The following RILPL1 variants were observed in gnomAD, a reference collection of about 807,000 sequenced individuals.
The protein encoded by RILPL1 is Rab interacting lysosomal protein like 1.
Under a neutral mutation model 50.3 loss-of-function variants are expected in RILPL1, and 33 were observed. That is an observed-to-expected ratio of 0.66 (90% CI 0.50 to 0.88). RILPL1 has a LOEUF of 0.88. Ranked by LOEUF, RILPL1 falls within the 40% of genes least tolerant of loss-of-function variation. RILPL1 has a pLI of 0.00. For missense variants in RILPL1, 418 were observed against 542.5 expected (o/e 0.77, Z 2.28); for synonymous variants, 205 against 228.6 (o/e 0.90, Z 0.93).
chr12:123,481,090 C>T (rs1205394947), intron 6 of RILPL1, among the ~76,000 whole-genome samples: 1 of 152,166 alleles, frequency 6.6e-6, no homozygotes, highest in Non-Finnish European at 1.5e-5. Context: ...GGCGCGGTGG[C>T]TCACGCCTGT....
Position 123,533,453 on chromosome 12 carries a change from C to A in RILPL1, c.30G>T (p.Ala10=). The change falls in exon 1 of 7, where the codon GCG becomes GCT. Residue 10 remains alanine (A), a synonymous_variant. Coordinates refer to ENST00000376874, the MANE Select transcript of RILPL1 (RefSeq NM_178314.5). The surrounding 1 kb of genome is among the most constrained non-coding windows in gnomAD (Gnocchi z 6.2). ...CGTTCTTCTCCAGCGCCGACTCGGC[C>A]GCCAGCGCCGACCCCCGCTCCTCCT... MEEERGSAL[A]AESALEKNVA... 6.5e-7 allele frequency: 1 copy of A among 1,529,924 alleles called. No homozygotes were observed. The highest frequency in any genetic ancestry group is 1.2e-5 in the South Asian group (1 of 83,554). 94.8% of individuals were successfully genotyped at this position (1,529,924 alleles called of 1,614,324 possible).
chr12:123,506,366 G>A (rs1259555102), intron 2 of RILPL1, among the ~76,000 whole-genome samples: 1 of 152,186 alleles, frequency 6.6e-6, no homozygotes, highest in African/African-American at 2.4e-5. Flanking sequence ...CATGGGTCAG[G>A]GGTTGGATTA....
intron 1 of RILPL1, among the ~76,000 whole-genome samples, chr12:123,530,338 G>T (rs748901393): frequency 1.7e-4 from 26 of 152,254 alleles, no homozygotes; most frequent in Non-Finnish European, 2.9e-4. Flanking sequence ...GCTAATTTTT[G>T]TATTTTTAGT....
intron 2 of RILPL1, among the ~76,000 whole-genome samples, chr12:123,515,727 G>A (rs1361391646): frequency 6.7e-6 from 1 of 150,244 alleles, no homozygotes; most frequent in Non-Finnish European, 1.5e-5. Flanking sequence ...TGGGATTACA[G>A]GTGTGAGCCA....
Position 123,472,401 on chromosome 12 carries a change from G to C in RILPL1, c.*137C>G, listed in dbSNP as rs186338013. 6.8e-4 allele frequency: 579 copies of C among 857,748 alleles called. 4 individuals carry two copies. The highest frequency in any genetic ancestry group is 3.6e-3 in the Middle Eastern group (10 of 2,764). 53.1% of individuals were successfully genotyped at this position (857,748 alleles called of 1,614,324 possible). On this transcript the variant is annotated 3_prime_UTR_variant, in exon 7 of 7. Coordinates refer to ENST00000376874, the MANE Select transcript of RILPL1 (RefSeq NM_178314.5). ...TTTTTCAATGTCCATCCTCAAATCA[G>C]ACAGTCTGTTTGAGGGGTCAGTTTT...
intron 1 of RILPL1, among the ~76,000 whole-genome samples, chr12:123,529,147 G>A (rs1329617979): frequency 6.6e-6 from 1 of 152,080 alleles, no homozygotes; most frequent in African/African-American, 2.4e-5. Flanking sequence ...ATCAATCTGT[G>A]GCTGGATCCT....
chr12:123,474,501 G>A (rs998313392), intron 6 of RILPL1: 1 of 152,222 alleles, frequency 6.6e-6, no homozygotes, highest in East Asian at 1.9e-4. Flanking sequence ...ACAGGTGCAT[G>A]CCACTGCGCC....
chr12:123,485,626 C>T lies in RILPL1; in HGVS notation c.974+7G>A, dbSNP rs1227413278. On this transcript the variant is annotated splice_region_variant and intron_variant, in intron 5 of 6. Coordinates refer to ENST00000376874, the MANE Select transcript of RILPL1 (RefSeq NM_178314.5). The surrounding 1 kb of genome is among the most constrained non-coding windows in gnomAD (Gnocchi z 4.0). ...AGCTCGGGCCATCCAGCCCCAGGGA[C>T]ACTTGCCTCTTATAGTAAGCCAGCT... 6.2e-7 allele frequency: 1 copy of T among 1,613,342 alleles called. No individual in the cohort carries two copies. The highest frequency in any genetic ancestry group is 8.5e-7 in the Non-Finnish European group (1 of 1,179,584).
intron 2 of RILPL1, among the ~76,000 whole-genome samples, chr12:123,517,700 GCATGAGCCA>G (rs1884787152): frequency 6.6e-6 from 1 of 152,166 alleles, no homozygotes; most frequent in Admixed American, 6.6e-5. Context: ...GGGATGACAG[GCATGAGCCA>G]CCGCGCTTCT....
chr12:123,533,254 G>C lies in RILPL1; in HGVS notation c.229C>G (p.Leu77Val). The C allele has an allele frequency of 6.3e-7, 1 of 1,592,332 alleles. No individual in the cohort carries two copies. Among genetic ancestry groups the C allele is most frequent in the Non-Finnish European group, 8.5e-7 (1 of 1,175,252 alleles). Reference sequence around the variant, plus strand: ...TCCAGCTCCAGGCGCAGCTCGTCCAGCTCGGGCGCGACGTGGTGGCGGCTG... The same window carrying C: ...TCCAGCTCCAGGCGCAGCTCGTCCACCTCGGGCGCGACGTGGTGGCGGCTG... Reference protein sequence around the residue: ...LVSRHHVAPELDELRLELDRL... With the variant: ...LVSRHHVAPEVDELRLELDRL... Residue 77 changes from leucine (L) to valine (V), a missense_variant, in exon 1 of 7, where the codon CTG becomes GTG. Physicochemically the swap from Leu to Val is conservative, Grantham distance 32 (BLOSUM62 1). Transcript: ENST00000376874. The surrounding 1 kb of genome is among the most constrained non-coding windows in gnomAD (Gnocchi z 6.2).
chr12:123,532,707 G>GGGGC (rs1885479169), intron 1 of RILPL1, among the ~76,000 whole-genome samples: 1 of 121,820 alleles, frequency 8.2e-6, no homozygotes. Context: ...GGAGACTGGG[G>GGGGC]GGGGGGGGGA....
At chr12:123,483,970 C>T (rs1210980147) in intron 6 of RILPL1, among the ~76,000 whole-genome samples, 1 of 152,220 alleles carries the variant, frequency 6.6e-6, no homozygotes, top group Non-Finnish European at 1.5e-5. Flanking sequence ...GCCTCCCGCA[C>T]TCCCCAAACC....
At chr12:123,521,274 G>C (rs71458804) in intron 2 of RILPL1, among the ~76,000 whole-genome samples, 1 of 151,908 alleles carries the variant, frequency 6.6e-6, no homozygotes, top group African/African-American at 2.4e-5. Context: ...GTGCAACTTA[G>C]GCACATGAAG....
chr12:123,489,911 G>A lies in RILPL1; in HGVS notation c.802-4106C>T, dbSNP rs1001538282. On this transcript the variant is annotated intron_variant, in intron 4 of 6. Coordinates refer to ENST00000376874, the MANE Select transcript of RILPL1 (RefSeq NM_178314.5). The surrounding 1 kb of genome is among the most constrained non-coding windows in gnomAD (Gnocchi z 4.0). ...TCTAAAACTCTGTTGAATTAGCTGC[G>A]AACTCTTTAAGATTAGGAGATTTCA... Among the ~76,000 whole-genome samples, 2 of 152,228 alleles carry A rather than the reference G, an allele frequency of 1.3e-5. No individual in the cohort carries two copies. The highest frequency in any genetic ancestry group is 1.9e-4 in the East Asian group (1 of 5,176).
chr12:123,517,424 G>GTTTTTTT (rs59944903), intron 2 of RILPL1, among the ~76,000 whole-genome samples: 1 of 131,964 alleles, frequency 7.6e-6, no homozygotes, highest in Non-Finnish European at 1.6e-5. Flanking sequence ...TGTTGTTATT[G>GTTTTTTT]TTTTTTTTTT....
At position 123,523,622 on chromosome 12, in the gene RILPL1, C is replaced by T. The variant is rs1323123617; in HGVS notation, c.333G>A (p.Val111=). ...HQKELELVED[V]WRGEAQDLLS... ...GGAGGTCCTGCGCCTCCCCTCGCCA[C>T]ACATCCTCCACCAGCTCCAGCTCCT... The change falls in exon 2 of 7, where the codon GTG becomes GTA. Residue 111 remains valine, a synonymous_variant. Transcript: ENST00000376874. 7 of 1,613,634 alleles carry T rather than the reference C, an allele frequency of 4.3e-6. No individual in the cohort carries two copies. Among genetic ancestry groups the T allele is most frequent in the Admixed American group, 1.7e-5 (1 of 59,988 alleles).
At chr12:123,511,916 GTGTCTGTGTGTGGTGTGTGAGGTT>G in intron 2 of RILPL1, among the ~76,000 whole-genome samples, 1 of 126,716 alleles carries the variant, frequency 7.9e-6, no homozygotes, top group Non-Finnish European at 1.7e-5. Context: ...TGTGAGGTCT[GTGTCTGTGTGTGGTGTGTGAGGTT>G]TGTGTGTGTG....
At chr12:123,511,638 CTG>C (rs535715523) in intron 2 of RILPL1, among the ~76,000 whole-genome samples, 1 of 91,088 alleles carries the variant, frequency 1.1e-5, no homozygotes, top group Non-Finnish European at 2.1e-5. Flanking sequence ...TGTGTGAGGT[CTG>C]TGTGTGTGAG....
At chr12:123,504,428 G>A (rs1170557704) in intron 2 of RILPL1, among the ~76,000 whole-genome samples, 1 of 152,194 alleles carries the variant, frequency 6.6e-6, no homozygotes, top group Admixed American at 6.5e-5. Context: ...TTCCAGAACA[G>A]CAGGCGACGA....
Sources: gnomAD v4.1 joint callset for allele counts (sites outside exome capture counted in the v4.1 genomes callset) on GRCh38, gnomAD v4.1.1 for gene constraint, Gnocchi (gnomAD v3.1) non-coding constraint, MANE v1.5 for transcripts, NCBI Gene and HGNC (gene_info 2026-07-23, HGNC 2026-07-21) for gene names.